Variants in TMEM14C observed in about 807,000 individuals in gnomAD.
The protein encoded by TMEM14C is transmembrane protein 14C.
A neutral mutation model predicts 14.8 loss-of-function variants in TMEM14C; 13 were observed. The observed-to-expected ratio is 0.88, with a 90% CI of 0.57 to 1.40. The LOEUF is 1.40. Among genes scored for constraint, TMEM14C ranks in the 40% most tolerant of loss-of-function variants. The pLI is 0.00. For missense variants in TMEM14C, 142 were observed against 138.8 expected, an observed-to-expected ratio of 1.02 and a Z score of -0.12; for synonymous variants, 57 against 51.3, an observed-to-expected ratio of 1.11 and a Z score of -0.48.
chr6:10,723,850 C>T (rs1372412579), intron 1 of TMEM14C, among the ~76,000 whole-genome samples: 3 of 152,100 alleles, frequency 2.0e-5, no homozygotes, highest in African/African-American at 4.8e-5. Context: ...GTGATCCGCC[C>T]GCCTCGGCCT....
intron 4 of TMEM14C, among the ~76,000 whole-genome samples, chr6:10,727,593 G>A (rs556377269): frequency 4.5e-4 from 68 of 152,246 alleles, no homozygotes; most frequent in Middle Eastern, 3.4e-3. Context: ...AGGCCAAGGA[G>A]GGTGGATTGC....
intron 1 of TMEM14C, among the ~76,000 whole-genome samples, chr6:10,724,061 C>T (rs545662966): frequency 7.2e-4 from 109 of 152,322 alleles, no homozygotes; most frequent in African/African-American, 2.4e-3. Context: ...TCCTCTCCTA[C>T]TACTGCCCTC....
intron 1 of TMEM14C, among the ~76,000 whole-genome samples, chr6:10,724,265 A>G (rs750034000): frequency 1.3e-5 from 2 of 152,212 alleles, no homozygotes; most frequent in Non-Finnish European, 2.9e-5. Flanking sequence ...TGACTAACAC[A>G]TTCCCTGATT....
intron 4 of TMEM14C, among the ~76,000 whole-genome samples, chr6:10,727,004 G>T (rs528765044): frequency 6.6e-6 from 1 of 152,278 alleles, no homozygotes; most frequent in Admixed American, 6.5e-5. Flanking sequence ...CCAGGTCCCA[G>T]CTCTGCCTAA....
intron 1 of TMEM14C, among the ~76,000 whole-genome samples, chr6:10,724,112 A>G (rs1770778938): frequency 6.6e-6 from 1 of 152,236 alleles, no homozygotes; most frequent in Non-Finnish European, 1.5e-5. Context: ...TTTCTAAAAA[A>G]GTTGAGCTTT....
intron 4 of TMEM14C, 41 bp downstream of exon 4, chr6:10,726,049 C>T: frequency 1.9e-6 from 3 of 1,609,836 alleles, no homozygotes; most frequent in South Asian, 1.1e-5. Context: ...GCTATGTATC[C>T]AGAATACTCT....
chr6:10,730,873 A>C lies in TMEM14C; in HGVS notation c.*207A>C. The C allele has an allele frequency of 8.1e-7, 1 of 1,239,994 alleles. No individual in the cohort carries two copies. Among genetic ancestry groups the C allele is most frequent in the Non-Finnish European group, 1.0e-6 (1 of 985,794 alleles). The allele number at this position is 1,239,994 out of a possible 1,614,324, so 76.8% of individuals were successfully genotyped here. ...GAGTATGTAACACAAGAGCTTAATAAGACCCTCATAGAGCTTGATTCTTGT... is the reference window on the plus strand; with the variant it reads ...GAGTATGTAACACAAGAGCTTAATACGACCCTCATAGAGCTTGATTCTTGT... On this transcript the variant is annotated 3_prime_UTR_variant, in exon 6 of 6. Transcript: ENST00000229563.
intron 4 of TMEM14C, among the ~76,000 whole-genome samples, chr6:10,726,584 G>A (rs1322669021): frequency 2.0e-5 from 3 of 152,160 alleles, no homozygotes; most frequent in Non-Finnish European, 4.4e-5. Flanking sequence ...CAGCTACTTG[G>A]GAGGCTGAGG....
At position 10,725,050 on chromosome 6, in the gene TMEM14C, T is replaced by C. The variant is rs781491299; in HGVS notation, c.97+13T>C. 4 of 1,614,094 alleles carry C rather than the reference T, an allele frequency of 2.5e-6. No homozygotes were observed. The highest frequency in any genetic ancestry group is 8.5e-7 in the Non-Finnish European group (1 of 1,179,984). ...TATGTAAAAGCAGGTAGGGTTTTGTTGTTACTTAGCCTCTTAACATCTTCA... is the reference window on the plus strand; with the variant it reads ...TATGTAAAAGCAGGTAGGGTTTTGTCGTTACTTAGCCTCTTAACATCTTCA... On this transcript the variant is annotated intron_variant, in intron 3 of 5. Transcript: ENST00000229563.
intron 3 of TMEM14C, among the ~76,000 whole-genome samples, chr6:10,725,348 C>G (rs1173305583): frequency 6.6e-6 from 1 of 152,178 alleles, no homozygotes; most frequent in Non-Finnish European, 1.5e-5. Context: ...CATCTCTGGG[C>G]TCAAGTAGGA....
At chr6:10,728,597 A>T (rs768451869) in intron 4 of TMEM14C, 43 bp from the exon 5 acceptor site, 3 of 1,599,206 alleles carry the variant, frequency 1.9e-6, no homozygotes, top group South Asian at 1.1e-5. Context: ...CCTGCGTAGA[A>T]GATGTAATGA....
rs766254878 is a variant in TMEM14C at position 10,730,824 on chromosome 6, T to C, written c.*158T>C. ...TGGCAGAGAGGTGGAAAATCAGTCA[T>C]GATTACAAACCTACAGAGGTGGCGA... On this transcript the variant is annotated 3_prime_UTR_variant, in exon 6 of 6. Transcript: ENST00000229563. The C allele has an allele frequency of 1.5e-6, 2 of 1,349,990 alleles. No homozygotes were observed. The highest frequency in any genetic ancestry group is 2.9e-5 in the African/African-American group (2 of 68,342). 83.6% of individuals were successfully genotyped at this position (1,349,990 alleles called of 1,614,324 possible).
intron 5 of TMEM14C, among the ~76,000 whole-genome samples, chr6:10,730,247 T>C (rs1770988198): frequency 6.6e-6 from 1 of 152,240 alleles, no homozygotes; most frequent in South Asian, 2.1e-4. Context: ...ACCAGTATAA[T>C]GTTTTATACC....
chr6:10,726,684 C>A (rs2127488276), intron 4 of TMEM14C, among the ~76,000 whole-genome samples: 1 of 152,270 alleles, frequency 6.6e-6, no homozygotes, highest in South Asian at 2.1e-4. Flanking sequence ...GAGCAAGACT[C>A]CATGTCAAAA....
chr6:10,723,655 A>G (rs1340773793), intron 1 of TMEM14C, among the ~76,000 whole-genome samples: 2 of 138,112 alleles, frequency 1.4e-5, no homozygotes, highest in African/African-American at 2.8e-5. Flanking sequence ...GCTTGAGTGC[A>G]GTTGCCTGAA....
At chr6:10,727,191 A>G (rs1351998211) in intron 4 of TMEM14C, among the ~76,000 whole-genome samples, 4 of 151,988 alleles carry the variant, frequency 2.6e-5, no homozygotes, top group Non-Finnish European at 5.9e-5. Flanking sequence ...CCTCCTCTCC[A>G]ACACCAGTGT....
intron 2 of TMEM14C, 55 bp from the exon 3 acceptor site, chr6:10,724,906 T>C (rs1001335202): frequency 1.3e-6 from 2 of 1,584,330 alleles, no homozygotes; most frequent in East Asian, 2.2e-5. Flanking sequence ...CCTATGACAG[T>C]ATGGTTTGTT....
chr6:10,729,361 C>T (rs1361776496), intron 5 of TMEM14C, among the ~76,000 whole-genome samples: 4 of 152,106 alleles, frequency 2.6e-5, no homozygotes, highest in African/African-American at 9.7e-5. Context: ...TCTGGAACTC[C>T]TGATCTTGTG....
At position 10,724,648 on chromosome 6, in the gene TMEM14C, T is replaced by C; in HGVS notation, c.20+15T>C. 6.2e-7 allele frequency: 1 copy of C among 1,611,228 alleles called. No individual in the cohort carries two copies. The highest frequency in any genetic ancestry group is 8.5e-7 in the Non-Finnish European group (1 of 1,178,560). On this transcript the variant is annotated intron_variant, in intron 2 of 5. Coordinates refer to ENST00000229563, the MANE Select transcript of TMEM14C (RefSeq NM_016462.4). ...ACTGGCTCAGTGTGAGTGCAGTAAA[T>C]GGGTATGGAGTAGCCAGGAGCTTCT...
Sources: allele counts gnomAD v4.1 joint callset (sites outside exome capture counted in the v4.1 genomes callset), GRCh38; gene constraint gnomAD v4.1.1; transcripts MANE v1.5; gene names NCBI Gene and HGNC (gene_info 2026-07-23, HGNC 2026-07-21).